Variants in UBL3 observed in about 807,000 individuals in gnomAD.
The protein encoded by UBL3 is ubiquitin-like protein 3.
Under a neutral mutation model 18.4 loss-of-function variants are expected in UBL3, and 6 were observed. The ratio of observed to expected loss-of-function variants is 0.33; its 90% CI spans 0.18 to 0.64. The LOEUF (loss-of-function observed/expected upper bound fraction) is 0.64. Ranked by LOEUF, UBL3 falls within the 30% of genes least tolerant of loss-of-function variation. The pLI is 0.76. For missense variants in UBL3, 109 were observed against 142.9 expected (o/e 0.76, Z 1.21); for synonymous variants, 49 against 46.6 (o/e 1.05, Z -0.21).
At chr13:29,782,177 T>C (rs1292006844) in intron 1 of UBL3, among the ~76,000 whole-genome samples, 1 of 152,166 alleles carries the variant, frequency 6.6e-6, no homozygotes, top group Non-Finnish European at 1.5e-5. Flanking sequence ...TTGTTCTAGA[T>C]GTTCTAGATA....
At chr13:29,832,499 A>AT (rs1360543378) in intron 1 of UBL3, among the ~76,000 whole-genome samples, 1 of 151,970 alleles carries the variant, frequency 6.6e-6, no homozygotes, top group African/African-American at 2.4e-5. Context: ...CGCCCGGCTA[A>AT]TTTTTTGTAT....
At chr13:29,772,017 T>G in intron 3 of UBL3, 95 bp downstream of exon 3, 1 of 1,081,530 alleles carries the variant, frequency 9.2e-7, no homozygotes, top group Non-Finnish European at 1.4e-6. Flanking sequence ...AATTTATCAT[T>G]TTTTTTAGCA....
At chr13:29,775,697 G>A (rs889004154) in intron 2 of UBL3, among the ~76,000 whole-genome samples, 71 of 152,216 alleles carry the variant, frequency 4.7e-4, no homozygotes, top group African/African-American at 1.7e-3. Flanking sequence ...CTCACTGCAA[G>A]CTCTGCCTCT....
chr13:29,774,586 T>C, intron 2 of UBL3, among the ~76,000 whole-genome samples: 1 of 152,254 alleles, frequency 6.6e-6, no homozygotes, highest in Admixed American at 6.5e-5. Context: ...AGCTATAACC[T>C]TTATAGCTTC....
At chr13:29,790,881 C>G (rs1183008204) in intron 1 of UBL3, among the ~76,000 whole-genome samples, 1 of 152,088 alleles carries the variant, frequency 6.6e-6, no homozygotes, top group African/African-American at 2.4e-5. Flanking sequence ...GTTCCCTCAT[C>G]AGTCTCTCTC....
chr13:29,843,106 C>T (rs1456821564), intron 1 of UBL3, among the ~76,000 whole-genome samples: 1 of 152,140 alleles, frequency 6.6e-6, no homozygotes, highest in East Asian at 1.9e-4. Flanking sequence ...CTATCAAACA[C>T]AAGAAGTTAA....
intron 1 of UBL3, among the ~76,000 whole-genome samples, chr13:29,839,844 G>A (rs930262651): frequency 2.6e-5 from 4 of 151,324 alleles, no homozygotes; most frequent in African/African-American, 4.8e-5. Context: ...GGAGAATGGC[G>A]TGAACCCGGG....
intron 1 of UBL3, among the ~76,000 whole-genome samples, chr13:29,832,457 C>T (rs1747059): frequency 0.029 from 4,451 of 152,022 alleles, 130 homozygotes; most frequent in African/African-American, 0.061. Flanking sequence ...GTCAGCCTCC[C>T]GAGTAGCTGG....
At chr13:29,839,927 G>C (rs368444364) in intron 1 of UBL3, among the ~76,000 whole-genome samples, 3 of 142,732 alleles carry the variant, frequency 2.1e-5, no homozygotes, top group South Asian at 4.6e-4. Flanking sequence ...ACTCCGTCTC[G>C]GGGGAAAAAA....
chr13:29,791,711 G>A (rs1418139603), intron 1 of UBL3, among the ~76,000 whole-genome samples: 1 of 151,888 alleles, frequency 6.6e-6, no homozygotes, highest in Non-Finnish European at 1.5e-5. Context: ...GTCACCATAG[G>A]GTCCATGCTT....
intron 1 of UBL3, among the ~76,000 whole-genome samples, chr13:29,827,215 G>C (rs1049913706): frequency 3.9e-5 from 6 of 152,176 alleles, no homozygotes; most frequent in Admixed American, 6.5e-5. Flanking sequence ...TTGGTGCAGA[G>C]CTGAGTTCAA....
chr13:29,787,585 T>C (rs1281251127), intron 1 of UBL3, among the ~76,000 whole-genome samples: 2 of 152,156 alleles, frequency 1.3e-5, no homozygotes, highest in Non-Finnish European at 2.9e-5. Context: ...AACCTGACTG[T>C]AGGATATCCC....
chr13:29,839,384 T>C lies in UBL3; in HGVS notation c.27+10128A>G, dbSNP rs370848079. On this transcript the variant is annotated intron_variant, in intron 1 of 4. Transcript: ENST00000380680. ...ACAAGGGAAGTTTTAAAATATGCTT[T>C]ATTGAATGATAATAAAAATAATATA... is the stretch of plus-strand genomic sequence containing the variant. 8.5e-5 allele frequency among the ~76,000 whole-genome samples: 13 copies of C among 152,340 alleles called. No individual in the cohort carries two copies. In the East Asian group the frequency reaches 1.7e-3, roughly 20 times the overall value.
chr13:29,809,421 G>A (rs1351655865), intron 1 of UBL3, among the ~76,000 whole-genome samples: 1 of 152,166 alleles, frequency 6.6e-6, no homozygotes, highest in Non-Finnish European at 1.5e-5. Flanking sequence ...AATGGTAACT[G>A]AGGAAGACAG....
intron 1 of UBL3, among the ~76,000 whole-genome samples, chr13:29,781,818 T>C (rs1210749948): frequency 3.1e-5 from 3 of 96,712 alleles, no homozygotes; most frequent in Non-Finnish European, 5.8e-5. Context: ...ACCCTGTCTC[T>C]ACAAAAAATT....
chr13:29,771,549 G>C (rs75950627), intron 3 of UBL3, among the ~76,000 whole-genome samples: 6,884 of 152,078 alleles, frequency 0.045, 221 homozygotes, highest in Middle Eastern at 0.092. Flanking sequence ...GAGGAAACTG[G>C]AACACAGGTT....
At chr13:29,790,293 A>C (rs1877448136) in intron 1 of UBL3, among the ~76,000 whole-genome samples, 1 of 152,214 alleles carries the variant, frequency 6.6e-6, no homozygotes, top group African/African-American at 2.4e-5. Flanking sequence ...AATAGAGGTA[A>C]AATTACATAA....
chr13:29,827,438 C>T (rs560078468), intron 1 of UBL3, among the ~76,000 whole-genome samples: 19 of 152,192 alleles, frequency 1.2e-4, no homozygotes, highest in South Asian at 2.1e-4. Context: ...CATTATGTAA[C>T]GGCCTTGTCT....
chr13:29,850,238 G>A lies in UBL3; in HGVS notation c.-700C>T, dbSNP rs1593682154. 1 of 153,106 alleles carries A rather than the reference G, an allele frequency of 6.5e-6. No homozygotes were observed. Among genetic ancestry groups the A allele is most frequent in the Non-Finnish European group, 1.5e-5 (1 of 68,488 alleles). 9.5% of individuals were successfully genotyped at this position (153,106 alleles called of 1,614,324 possible). On this transcript the variant is annotated 5_prime_UTR_variant, in exon 1 of 5. Coordinates refer to ENST00000380680, the MANE Select transcript of UBL3 (RefSeq NM_007106.4). ...GACCGACAGCGCGGGGGTGCTCGGGGCCGGCCGGGACACTCCACAGCCCCT... is the reference window on the plus strand; with the variant it reads ...GACCGACAGCGCGGGGGTGCTCGGGACCGGCCGGGACACTCCACAGCCCCT...
Sources: allele counts gnomAD v4.1 joint callset (sites outside exome capture counted in the v4.1 genomes callset), GRCh38; gene constraint gnomAD v4.1.1; transcripts MANE v1.5; gene names NCBI Gene and HGNC (gene_info 2026-07-23, HGNC 2026-07-21).